Variants in ELMO1 observed in about 807,000 individuals in gnomAD.
ELMO1 encodes engulfment and cell motility 1.
In ELMO1, 26 loss-of-function variants were observed where a neutral mutation model predicts 98.9. The observed-to-expected ratio is 0.26, with a 90% CI of 0.19 to 0.36. The LOEUF (loss-of-function observed/expected upper bound fraction) is 0.36, where lower values mean the gene tolerates loss of function less well. Among genes scored for constraint, ELMO1 ranks in the 10% least tolerant of loss-of-function variants. The pLI, the probability that ELMO1 is intolerant of heterozygous loss-of-function variation, is 1.00. For synonymous variants in ELMO1, 346 were observed against 346.0 expected, an observed-to-expected ratio of 1.00 and a Z score of 0.00; for missense variants, 627 against 935.2, an observed-to-expected ratio of 0.67 and a Z score of 4.30.
intron 4 of ELMO1, among the ~76,000 whole-genome samples, chr7:37,298,414 T>C (rs1360107301): frequency 6.8e-6 from 1 of 147,628 alleles, no homozygotes; most frequent in African/African-American, 2.5e-5. Context: ...TAACTCGTCA[T>C]CTAGCATTAG....
Position 36,854,525 on chromosome 7 carries a change from T to C in ELMO1, c.*1026A>G, listed in dbSNP as rs1408574283. The C allele has an allele frequency of 9.2e-6, 1 of 108,712 alleles. No individual in the cohort carries two copies. The highest frequency in any genetic ancestry group is 3.8e-5 in the African/African-American group (1 of 26,390). The allele number at this position is 108,712 out of a possible 1,614,324, so 6.7% of individuals were successfully genotyped here. On this transcript the variant is annotated 3_prime_UTR_variant, in exon 22 of 22. Transcript: ENST00000310758. ...TGGCAAAAAATGTTAGACTCTTTTG[T>C]ACAAAAACAAAGCAAAAAAAAAAAA...
chr7:37,121,150 G>A (rs1317455072), intron 14 of ELMO1, among the ~76,000 whole-genome samples: 1 of 152,122 alleles, frequency 6.6e-6, no homozygotes, highest in African/African-American at 2.4e-5. Flanking sequence ...AAGACCAAAG[G>A]TAGATAAAAC....
At chr7:37,162,620 T>C (rs1183826723) in intron 13 of ELMO1, among the ~76,000 whole-genome samples, 1 of 152,102 alleles carries the variant, frequency 6.6e-6, no homozygotes, top group East Asian at 1.9e-4. Flanking sequence ...CTTGACAAAG[T>C]GAAAAAATTT....
intron 1 of ELMO1, among the ~76,000 whole-genome samples, chr7:37,404,543 A>G (rs959154230): frequency 6.6e-6 from 1 of 152,224 alleles, no homozygotes; most frequent in Non-Finnish European, 1.5e-5. Flanking sequence ...AACCTGGTAT[A>G]TAATAAATTC....
At chr7:37,141,997 A>G (rs973322383) in intron 13 of ELMO1, among the ~76,000 whole-genome samples, 1 of 152,240 alleles carries the variant, frequency 6.6e-6, no homozygotes, top group Non-Finnish European at 1.5e-5. Flanking sequence ...GAATAAGTGC[A>G]ATGATTTGAG....
chr7:37,318,414 A>G (rs2131120511), intron 2 of ELMO1, among the ~76,000 whole-genome samples: 1 of 152,276 alleles, frequency 6.6e-6, no homozygotes, highest in Non-Finnish European at 1.5e-5. Flanking sequence ...TCAGGCCAAG[A>G]AGGTATTGTT....
chr7:37,434,128 C>T (rs1172240565), intron 1 of ELMO1, among the ~76,000 whole-genome samples: 1 of 152,118 alleles, frequency 6.6e-6, no homozygotes, highest in Non-Finnish European at 1.5e-5. Context: ...GAAAATCCCC[C>T]CAGTATTGGG....
At chr7:37,399,512 G>A (rs1377740278) in intron 1 of ELMO1, among the ~76,000 whole-genome samples, 1 of 152,146 alleles carries the variant, frequency 6.6e-6, no homozygotes, top group Non-Finnish European at 1.5e-5. Context: ...ACGCAGGGTG[G>A]GGAAGCCAAG....
At chr7:37,094,968 ATGTCCCTT>A (rs1298465776) in intron 15 of ELMO1, among the ~76,000 whole-genome samples, 2 of 152,210 alleles carry the variant, frequency 1.3e-5, no homozygotes, top group Non-Finnish European at 2.9e-5. Flanking sequence ...GGACAGACAT[ATGTCCCTT>A]GGGCAAAGGA....
intron 16 of ELMO1, among the ~76,000 whole-genome samples, chr7:36,937,092 C>A (rs898802594): frequency 6.6e-6 from 1 of 152,142 alleles, no homozygotes. Context: ...CTATATTCAA[C>A]AAATCTTTAG....
intron 17 of ELMO1, among the ~76,000 whole-genome samples, chr7:36,888,472 G>T (rs750709498): frequency 8.5e-5 from 13 of 152,122 alleles, no homozygotes; most frequent in Non-Finnish European, 1.5e-5. Flanking sequence ...ATTCCTCATA[G>T]CAGTGTAAGA....
At position 37,064,354 on chromosome 7, in the gene ELMO1, G is replaced by T. The variant is rs769368155; in HGVS notation, c.1300+32265C>A. Among the ~76,000 whole-genome samples, 3 of 152,170 alleles carry T rather than the reference G, an allele frequency of 2.0e-5. No homozygotes were observed. In the East Asian group the frequency reaches 5.8e-4, roughly 29 times the overall value. ...TGGGTCCCAGGGAGCTCCTGCCCTG[G>T]GATCTGCATATCCTCTGCGATGCAG... On this transcript the variant is annotated intron_variant, in intron 15 of 21. Transcript: ENST00000310758.
chr7:37,352,996 T>A (rs1287967953), intron 1 of ELMO1: 1 of 152,176 alleles, frequency 6.6e-6, no homozygotes, highest in Non-Finnish European at 1.5e-5. Context: ...GCACATCCAA[T>A]GGCTCTGTAA....
chr7:36,994,448 T>C (rs995762784), intron 16 of ELMO1, among the ~76,000 whole-genome samples: 7 of 152,336 alleles, frequency 4.6e-5, no homozygotes, highest in Admixed American at 4.6e-4. Flanking sequence ...GATGTATCTG[T>C]TAACTTAGCC....
intron 14 of ELMO1, among the ~76,000 whole-genome samples, chr7:37,130,246 C>T (rs1786818800): frequency 6.6e-6 from 1 of 152,180 alleles, no homozygotes; most frequent in African/African-American, 2.4e-5. Context: ...AGACAGTGAA[C>T]TCCTCAATGT....
At chr7:37,072,069 A>G (rs550021700) in intron 15 of ELMO1, among the ~76,000 whole-genome samples, 1 of 152,322 alleles carries the variant, frequency 6.6e-6, no homozygotes, top group East Asian at 1.9e-4. Flanking sequence ...AAAATAATCT[A>G]AAACTTACAA....
chr7:37,240,880 T>C (rs995899936), intron 7 of ELMO1, among the ~76,000 whole-genome samples: 2 of 152,230 alleles, frequency 1.3e-5, no homozygotes, highest in African/African-American at 4.8e-5. Context: ...AGCCTTACTA[T>C]GGACTATTTT....
chr7:37,348,869 G>GT (rs1801131292), intron 1 of ELMO1, among the ~76,000 whole-genome samples: 1 of 152,260 alleles, frequency 6.6e-6, no homozygotes, highest in South Asian at 2.1e-4. Flanking sequence ...ACTTTTTGTT[G>GT]TTTTTTCTGA....
intron 4 of ELMO1, among the ~76,000 whole-genome samples, chr7:37,296,501 A>G (rs1422740812): frequency 6.6e-6 from 1 of 152,162 alleles, no homozygotes; most frequent in Non-Finnish European, 1.5e-5. Context: ...GAAGACCTTA[A>G]TGACACCTAC....
Sources: gnomAD v4.1 joint callset for allele counts (sites outside exome capture counted in the v4.1 genomes callset) on GRCh38, gnomAD v4.1.1 for gene constraint, MANE v1.5 for transcripts, NCBI Gene and HGNC (gene_info 2026-07-23, HGNC 2026-07-21) for gene names.